SOX5: variants seen among roughly 807,000 people sequenced by gnomAD.
SOX5 encodes the protein transcription factor SOX-5.
A neutral mutation model predicts 92.0 loss-of-function variants in SOX5; 9 were observed. The ratio of observed to expected loss-of-function variants is 0.10; its 90% CI spans 0.06 to 0.17. The LOEUF (loss-of-function observed/expected upper bound fraction) is 0.17, where lower values mean the gene tolerates loss of function less well. Among genes scored for constraint, SOX5 ranks in the 10% least tolerant of loss-of-function variants. The probability of loss-of-function intolerance (pLI) is 1.00; values close to 1 mark genes in which losing one functional copy is unlikely to be tolerated. For synonymous variants in SOX5, 344 were observed against 336.3 expected, an observed-to-expected ratio of 1.02 and a Z score of -0.25; for missense variants, 642 against 944.5, an observed-to-expected ratio of 0.68 and a Z score of 4.20.
At chr12:24,279,431 T>C (rs1314829039) in intron 2 of SOX5, among the ~76,000 whole-genome samples, 1 of 152,110 alleles carries the variant, frequency 6.6e-6, no homozygotes, top group African/African-American at 2.4e-5. Context: ...CATTCTTTTA[T>C]CAGAAAAGAG....
At chr12:24,027,049 T>A (rs1380697027) in intron 4 of SOX5, among the ~76,000 whole-genome samples, 11 of 152,066 alleles carry the variant, frequency 7.2e-5, no homozygotes, top group Admixed American at 6.6e-4. Flanking sequence ...CTAAAACTGA[T>A]CATGTTGATA....
At chr12:23,736,115 C>G (rs1282453651) in intron 5 of SOX5, among the ~76,000 whole-genome samples, 1 of 151,426 alleles carries the variant, frequency 6.6e-6, no homozygotes, top group African/African-American at 2.4e-5. Flanking sequence ...TAAATAAGTT[C>G]TAGATCTCAT....
chr12:24,196,517 G>A (rs74068437), intron 4 of SOX5, among the ~76,000 whole-genome samples: 5,143 of 152,142 alleles, frequency 0.034, 302 homozygotes, highest in African/African-American at 0.12. Flanking sequence ...TTTTAAGGGG[G>A]GGTCAACCAG....
chr12:23,989,057 A>G (rs1474999708), intron 4 of SOX5, among the ~76,000 whole-genome samples: 11 of 152,076 alleles, frequency 7.2e-5, no homozygotes, highest in Non-Finnish European at 1.6e-4. Flanking sequence ...AGTGATGATA[A>G]GGAAGGAAGT....
At chr12:23,823,422 TA>T (rs1401537415) in intron 3 of SOX5, among the ~76,000 whole-genome samples, 6 of 152,234 alleles carry the variant, frequency 3.9e-5, no homozygotes, top group Admixed American at 2.0e-4. Flanking sequence ...TTCTTTTCTT[TA>T]AGAGTGTTGA....
At chr12:24,354,109 T>G (rs192957390) in intron 2 of SOX5, among the ~76,000 whole-genome samples, 96 of 152,300 alleles carry the variant, frequency 6.3e-4, no homozygotes, top group African/African-American at 2.1e-3. Context: ...AATTATAGAC[T>G]GTGAAAAAAT....
intron 6 of SOX5, among the ~76,000 whole-genome samples, chr12:23,666,067 C>T (rs11609408): frequency 0.069 from 10,481 of 151,552 alleles, 485 homozygotes; most frequent in Non-Finnish European, 0.097. Context: ...TTATTGAATA[C>T]AGTAATCGAC....
chr12:24,307,496 A>G lies in SOX5; in HGVS notation c.-173-30184T>C, dbSNP rs186313750. Among the ~76,000 whole-genome samples, 222 of 35,154 alleles carry G rather than the reference A, an allele frequency of 6.3e-3. 9 individuals carry two copies. Among genetic ancestry groups the G allele is most frequent in the Middle Eastern group, 0.019 (1 of 54 alleles). The allele number at this position is 35,154 out of a possible 152,430, so 23.1% of individuals were successfully genotyped here. A position where few individuals can be genotyped will look rare whatever the true frequency, so the allele number is the denominator to read the frequency against. ...AAGGAAGGAAGGAAGGAAGGAAGGA[A>G]GGAAGGAAGGAAGGAAGGAAGGCCG... is the stretch of plus-strand genomic sequence containing the variant. On this transcript the variant is annotated intron_variant, in intron 2 of 4. Transcript: ENST00000446891.
intron 1 of SOX5, among the ~76,000 whole-genome samples, chr12:23,927,562 C>T (rs1940308442): frequency 1.3e-5 from 2 of 151,952 alleles, no homozygotes; most frequent in Admixed American, 6.6e-5. Context: ...TAATGATGAT[C>T]ATGACCAATA....
chr12:24,216,300 G>A (rs558197032), intron 3 of SOX5, among the ~76,000 whole-genome samples: 5 of 151,818 alleles, frequency 3.3e-5, no homozygotes, highest in South Asian at 4.2e-4. Context: ...TGGCTAACAC[G>A]GTGAAACCCC....
At chr12:23,687,160 T>A (rs543193853) in intron 6 of SOX5, among the ~76,000 whole-genome samples, 83 of 152,160 alleles carry the variant, frequency 5.5e-4, no homozygotes, top group Non-Finnish European at 9.6e-4. Flanking sequence ...TAATACCACT[T>A]AACATCAAAA....
At chr12:23,716,034 T>G (rs978973567) in intron 6 of SOX5, among the ~76,000 whole-genome samples, 1 of 152,144 alleles carries the variant, frequency 6.6e-6, no homozygotes, top group Non-Finnish European at 1.5e-5. Context: ...AGGGTTTTCT[T>G]GAAGCTTACC....
chr12:24,465,474 A>C (rs1944123897), intron 1 of SOX5, among the ~76,000 whole-genome samples: 1 of 152,180 alleles, frequency 6.6e-6, no homozygotes, highest in Admixed American at 6.5e-5. Flanking sequence ...GGATGCTGAA[A>C]ATTGAAGAGT....
chr12:24,317,416 T>C (rs1949798519), intron 2 of SOX5, among the ~76,000 whole-genome samples: 2 of 152,226 alleles, frequency 1.3e-5, no homozygotes, highest in Admixed American at 1.3e-4. Flanking sequence ...AAGTTTTCTA[T>C]ACCCTTGTCA....
intron 4 of SOX5, among the ~76,000 whole-genome samples, chr12:24,177,292 T>C (rs1954929902): frequency 6.6e-6 from 1 of 152,216 alleles, no homozygotes; most frequent in Non-Finnish European, 1.5e-5. Flanking sequence ...TGTCAGAGCC[T>C]GACTTCAAAT....
chr12:24,425,234 A>G (rs56831089), intron 1 of SOX5, among the ~76,000 whole-genome samples: 4,716 of 152,242 alleles, frequency 0.031, 189 homozygotes, highest in African/African-American at 0.1. Flanking sequence ...TTATCTCTCT[A>G]TACTTTATGA....
intron 4 of SOX5, among the ~76,000 whole-genome samples, chr12:24,007,853 G>T (rs1334590585): frequency 6.7e-6 from 1 of 149,024 alleles, no homozygotes; most frequent in Non-Finnish European, 1.5e-5. Context: ...TGAAGAAACA[G>T]AGGCAGTAAG....
chr12:23,557,570 C>T (rs117205807), intron 11 of SOX5, among the ~76,000 whole-genome samples: 309 of 152,262 alleles, frequency 2.0e-3, no homozygotes, highest in Admixed American at 4.3e-3. Context: ...AACATGTATA[C>T]GGTGTGTATG....
chr12:23,734,646 T>G, intron 6 of SOX5, 38 bp downstream of exon 6: 1 of 1,439,678 alleles, frequency 6.9e-7, no homozygotes, highest in Non-Finnish European at 9.7e-7. Context: ...AATATATATT[T>G]TTTAAATTGT....
Sources: allele counts gnomAD v4.1 joint callset (sites outside exome capture counted in the v4.1 genomes callset), GRCh38; gene constraint gnomAD v4.1.1; transcripts MANE v1.5; gene names NCBI Gene and HGNC (gene_info 2026-07-23, HGNC 2026-07-21).